Variants in COG4 observed in about 807,000 individuals in gnomAD.
COG4 encodes component of oligomeric golgi complex 4, also known as conserved oligomeric Golgi complex subunit 4.
A neutral mutation model predicts 95.1 loss-of-function variants in COG4; 65 were observed. The ratio of observed to expected loss-of-function variants is 0.68; its 90% CI spans 0.56 to 0.84. The LOEUF is 0.84. Among genes scored for constraint, COG4 ranks in the 40% least tolerant of loss-of-function variants. COG4 has a pLI of 0.00. For missense variants in COG4, 1,045 were observed against 989.1 expected, an observed-to-expected ratio of 1.06 and a Z score of -0.76; for synonymous variants, 421 against 374.8, an observed-to-expected ratio of 1.12 and a Z score of -1.42.
chr16:70,521,662 T>A (rs1445561507), intron 1 of COG4, among the ~76,000 whole-genome samples: 2 of 151,966 alleles, frequency 1.3e-5, no homozygotes, highest in Non-Finnish European at 2.9e-5. Context: ...AATGACTGAA[T>A]GAATGCGAGC....
intron 9 of COG4, 87 bp downstream of exon 9, chr16:70,500,871 C>T (rs1332885884): frequency 4.6e-5 from 71 of 1,528,112 alleles, no homozygotes; most frequent in Non-Finnish European, 6.1e-5. Flanking sequence ...CCAATTGTTT[C>T]CTTAATAAGA....
rs978624326 is a variant in COG4 at position 70,503,751 on chromosome 16, C to T, written c.1062-2660G>A. Reference sequence around the variant, plus strand: ...CTGGGACTACAGGCGCCCACCACCACGCCCGGCTAATTTTTTGTATTTTTA... The same window carrying T: ...CTGGGACTACAGGCGCCCACCACCATGCCCGGCTAATTTTTTGTATTTTTA... On this transcript the variant is annotated intron_variant, in intron 8 of 18. Coordinates refer to ENST00000323786, the MANE Select transcript of COG4 (RefSeq NM_015386.3). 2.9e-5 allele frequency among the ~76,000 whole-genome samples: 4 copies of T among 138,798 alleles called. 2 individuals carry two copies. Among genetic ancestry groups the T allele is most frequent in the African/African-American group, 1.4e-4 (4 of 28,814 alleles). 91.1% of individuals were successfully genotyped at this position (138,798 alleles called of 152,430 possible). A position where few individuals can be genotyped will look rare whatever the true frequency, so the allele number is the denominator to read the frequency against.
In COG4 at chr16:70,493,887, T is replaced by C. The variant is rs192168208; in HGVS notation, c.1647+2379A>G. ...GTAAACTGGTCTGCTGGTGGCATGA[T>C]GAGGAAGGCAGGGGTGAGGTAAGGA... On this transcript the variant is annotated intron_variant, in intron 12 of 18. Transcript: ENST00000323786. 7.2e-5 allele frequency among the ~76,000 whole-genome samples: 11 copies of C among 152,168 alleles called. No individual in the cohort carries two copies. In the East Asian group the frequency reaches 2.1e-3, roughly 29 times the overall value.
intron 1 of COG4, among the ~76,000 whole-genome samples, chr16:70,520,390 C>G (rs1303233055): frequency 3.1e-3 from 54 of 17,574 alleles, no homozygotes; most frequent in Non-Finnish European, 7.3e-3. Context: ...GGGGGGGGGG[C>G]GGAGCTTGCA....
At chr16:70,481,216 G>T in intron 18 of COG4, 72 bp from the exon 19 acceptor site, 1 of 1,609,390 alleles carries the variant, frequency 6.2e-7, no homozygotes, top group Non-Finnish European at 8.5e-7. Context: ...CCTCTACCAG[G>T]GGCAGAGCAG....
intron 9 of COG4, among the ~76,000 whole-genome samples, chr16:70,499,559 T>A (rs2049406187): frequency 1.3e-5 from 2 of 152,262 alleles, no homozygotes; most frequent in Non-Finnish European, 2.9e-5. Context: ...TTAAATTTTT[T>A]TCCTTTAATT....
At chr16:70,520,596 C>T (rs547741965) in intron 1 of COG4, among the ~76,000 whole-genome samples, 317 of 150,988 alleles carry the variant, frequency 2.1e-3, no homozygotes, top group African/African-American at 7.4e-3. Context: ...CGTGCCATTT[C>T]ACTCCAACCT....
In COG4 at chr16:70,516,776, A is replaced by G. The variant is rs185350445; in HGVS notation, c.369+850T>C. On this transcript the variant is annotated intron_variant, in intron 3 of 18. Coordinates refer to ENST00000323786, the MANE Select transcript of COG4 (RefSeq NM_015386.3). ...TATTTATTAACTTATTTATTTATTTATTTTTAATTTGCAACTCCACTCTGC... is the reference window on the plus strand; with the variant it reads ...TATTTATTAACTTATTTATTTATTTGTTTTTAATTTGCAACTCCACTCTGC... Among the ~76,000 whole-genome samples, 19 of 150,434 alleles carry G rather than the reference A, an allele frequency of 1.3e-4. No individual in the cohort carries two copies. In the East Asian group the frequency reaches 3.8e-3, roughly 30 times the overall value.
intron 8 of COG4, among the ~76,000 whole-genome samples, chr16:70,506,370 T>A (rs1427354861): frequency 6.6e-6 from 1 of 151,364 alleles, no homozygotes; most frequent in Non-Finnish European, 1.5e-5. Flanking sequence ...GCCACTGCAC[T>A]CCAGCCTGGG....
At chr16:70,482,924 CCTCTCCTCTCCCCATCCCTTCCTT>C (rs1394149162) in intron 14 of COG4, 103 bp from the exon 15 acceptor site, 21 of 811,002 alleles carry the variant, frequency 2.6e-5, no homozygotes, top group Non-Finnish European at 4.1e-5. Context: ...CCATCCCTTT[CCTCTCCTCTCCCCATCCCTTCCTT>C]CTCTCCTCTC....
intron 12 of COG4, 150 bp downstream of exon 12, chr16:70,496,116 G>A: frequency 1.2e-6 from 1 of 826,704 alleles, no homozygotes; most frequent in Non-Finnish European, 2.0e-6. Flanking sequence ...GAACCTTCTG[G>A]GAGGAAATTC....
At chr16:70,508,695 A>G (rs890483394) in intron 7 of COG4, 9 of 656,742 alleles carry the variant, frequency 1.4e-5, no homozygotes, top group Non-Finnish European at 2.2e-5. Flanking sequence ...AGTCATGCTA[A>G]TGGTGTTCCA....
chr16:70,481,227 G>T, intron 18 of COG4, 83 bp from the exon 19 acceptor site: 1 of 1,609,444 alleles, frequency 6.2e-7, no homozygotes, highest in Non-Finnish European at 8.5e-7. Flanking sequence ...GGCAGAGCAG[G>T]GGCACCCGGG....
chr16:70,492,432 G>C (rs2049262915), intron 12 of COG4, among the ~76,000 whole-genome samples: 1 of 152,076 alleles, frequency 6.6e-6, no homozygotes, highest in African/African-American at 2.4e-5. Context: ...GCCGATGCGG[G>C]CAGATCACCT....
chr16:70,481,399 G>A lies in COG4; in HGVS notation c.2195C>T (p.Ala732Val), dbSNP rs769274001. 3.7e-6 allele frequency: 6 copies of A among 1,613,370 alleles called. No individual in the cohort carries two copies. Among genetic ancestry groups the A allele is most frequent in the Non-Finnish European group, 5.1e-6 (6 of 1,179,980 alleles). ...GATGGTGGCCATCTGGGAGAGCCGGGCAAACTTGTCTCGGATGGTCCAGGT... is the reference window on the plus strand; with the variant it reads ...GATGGTGGCCATCTGGGAGAGCCGGACAAACTTGTCTCGGATGGTCCAGGT... ...VTTWTIRDKF[A>V]RLSQMATILN... The change falls in exon 18 of 19, where the codon GCC becomes GTC. Residue 732 changes from alanine (A) to valine (V), a missense_variant. Coordinates refer to ENST00000323786, the MANE Select transcript of COG4 (RefSeq NM_015386.3).
At chr16:70,493,866 A>G (rs1192546654) in intron 12 of COG4, among the ~76,000 whole-genome samples, 1 of 152,116 alleles carries the variant, frequency 6.6e-6, no homozygotes, top group Non-Finnish European at 1.5e-5. Context: ...CTGCCTGTAA[A>G]CTGGTCTGCT....
chr16:70,487,750 T>C (rs1235923647), intron 13 of COG4, among the ~76,000 whole-genome samples: 1 of 152,232 alleles, frequency 6.6e-6, no homozygotes, highest in African/African-American at 2.4e-5. Flanking sequence ...CATTTTCCAA[T>C]AGTTCACAAA....
intron 13 of COG4, 143 bp from the exon 14 acceptor site, chr16:70,484,112 G>A (rs918041432): frequency 9.9e-6 from 7 of 706,060 alleles, no homozygotes; most frequent in Non-Finnish European, 1.3e-5. Context: ...TTCTATCCTG[G>A]TGGTTATCCA....
chr16:70,521,083 C>T (rs1191431428), intron 1 of COG4, among the ~76,000 whole-genome samples: 1 of 152,132 alleles, frequency 6.6e-6, no homozygotes. Flanking sequence ...CGAGGTCTCA[C>T]TATATTGCCC....
Sources: allele counts gnomAD v4.1 joint callset (sites outside exome capture counted in the v4.1 genomes callset), GRCh38; gene constraint gnomAD v4.1.1; transcripts MANE v1.5; gene names NCBI Gene and HGNC (gene_info 2026-07-23, HGNC 2026-07-21).